PRLR: variants seen among roughly 807,000 people sequenced by gnomAD.
The protein encoded by PRLR is prolactin receptor, also known as hPRL receptor.
PRLR carries 13 observed loss-of-function variants against 40.2 expected under a neutral mutation model. That is an observed-to-expected ratio of 0.32 (90% CI 0.21 to 0.51). PRLR has a LOEUF of 0.51. Among genes scored for constraint, PRLR ranks in the 20% least tolerant of loss-of-function variants. The probability of loss-of-function intolerance (pLI) is 0.97; values close to 1 mark genes in which losing one functional copy is unlikely to be tolerated. For missense variants in PRLR, 656 were observed against 747.3 expected (o/e 0.88, Z 1.42); for synonymous variants, 269 against 278.7 (o/e 0.97, Z 0.35).
chr5:35,121,270 G>A (rs1022130004), intron 1 of PRLR, among the ~76,000 whole-genome samples: 1 of 152,170 alleles, frequency 6.6e-6, no homozygotes, highest in Non-Finnish European at 1.5e-5. Flanking sequence ...AGAGTAAGTT[G>A]GATGATGTGG....
At chr5:35,139,901 TA>T (rs1336428158) in intron 1 of PRLR, among the ~76,000 whole-genome samples, 4 of 149,830 alleles carry the variant, frequency 2.7e-5, no homozygotes, top group African/African-American at 9.8e-5. Flanking sequence ...TTAGAGCAAA[TA>T]AAAAATATAG....
chr5:35,147,652 G>A (rs1774218399), intron 1 of PRLR, among the ~76,000 whole-genome samples: 1 of 152,116 alleles, frequency 6.6e-6, no homozygotes, highest in Admixed American at 6.5e-5. Flanking sequence ...TAAAACAAGA[G>A]AGGCAAACTT....
intron 2 of PRLR, among the ~76,000 whole-genome samples, chr5:35,103,354 G>C (rs78271841): frequency 0.028 from 4,287 of 152,234 alleles, 100 homozygotes; most frequent in Middle Eastern, 0.1. Flanking sequence ...ATCAGCAAAG[G>C]GTACAGCTAA....
intron 1 of PRLR, among the ~76,000 whole-genome samples, chr5:35,156,432 C>T (rs1234882115): frequency 6.6e-6 from 1 of 152,178 alleles, no homozygotes; most frequent in African/African-American, 2.4e-5. Context: ...AAATCATACA[C>T]TTTTCTGCTC....
At chr5:35,176,176 G>C (rs989970213) in intron 1 of PRLR, among the ~76,000 whole-genome samples, 3 of 151,884 alleles carry the variant, frequency 2.0e-5, no homozygotes, top group African/African-American at 7.3e-5. Flanking sequence ...AATTTTCTGT[G>C]ACTCATTCAT....
At chr5:35,212,798 G>C (rs2111646754) in intron 1 of PRLR, among the ~76,000 whole-genome samples, 1 of 152,262 alleles carries the variant, frequency 6.6e-6, no homozygotes, top group South Asian at 2.1e-4. Flanking sequence ...AGCAGTTCAG[G>C]GTCAAGATCT....
intron 1 of PRLR, among the ~76,000 whole-genome samples, chr5:35,140,171 G>C (rs1579722705): frequency 6.6e-6 from 1 of 152,200 alleles, no homozygotes; most frequent in East Asian, 1.9e-4. Context: ...TTATAGGCTG[G>C]AAGAACCAGA....
In PRLR at chr5:35,070,143, G is replaced by A; in HGVS notation, c.666C>T (p.Thr222=). ...HGYWSAWSPA[T]FIQIPSDFTM... ...GCTCACCACTAGGTATCTGAATGAA[G>A]GTCGCTGGACTCCATGCACTCCAGT... The change falls in exon 7 of 10, where the codon ACC becomes ACT. Residue 222 remains threonine (T), a synonymous_variant. Transcript: ENST00000618457. 6.8e-6 allele frequency: 11 copies of A among 1,611,288 alleles called. No individual in the cohort carries two copies. The highest frequency in any genetic ancestry group is 9.3e-6 in the Non-Finnish European group (11 of 1,179,434).
intron 1 of PRLR, among the ~76,000 whole-genome samples, chr5:35,140,969 T>C (rs1774006253): frequency 6.6e-6 from 1 of 152,174 alleles, no homozygotes; most frequent in African/African-American, 2.4e-5. Context: ...GCCTATGACA[T>C]AGTTCTGGCC....
chr5:35,072,323 T>C (rs995041051), intron 6 of PRLR, among the ~76,000 whole-genome samples: 1 of 152,132 alleles, frequency 6.6e-6, no homozygotes, highest in South Asian at 2.1e-4. Flanking sequence ...TAAAATGTAC[T>C]AAGGGAGGCA....
chr5:35,225,337 CATGAGGGTGGGGGAGA>C (rs1776521542), intron 1 of PRLR, among the ~76,000 whole-genome samples: 2 of 152,148 alleles, frequency 1.3e-5, no homozygotes, highest in African/African-American at 4.8e-5. Flanking sequence ...TAACCAGCAG[CATGAGGGTGGGGGAGA>C]AGGAAGAGGG....
intron 5 of PRLR, chr5:35,082,098 G>A (rs1770563455): frequency 6.6e-6 from 1 of 152,332 alleles, no homozygotes; most frequent in African/African-American, 2.4e-5. Flanking sequence ...CCACCTCAGT[G>A]AGAATCTCCC....
chr5:35,205,028 A>T (rs988856906), intron 1 of PRLR, among the ~76,000 whole-genome samples: 8 of 151,824 alleles, frequency 5.3e-5, no homozygotes, highest in African/African-American at 1.5e-4. Context: ...AAAGGCTGCC[A>T]GAGAGTTCAT....
At chr5:35,112,249 C>A (rs900353341) in intron 2 of PRLR, among the ~76,000 whole-genome samples, 2 of 152,132 alleles carry the variant, frequency 1.3e-5, no homozygotes, top group Admixed American at 1.3e-4. Flanking sequence ...ATTTGAAATA[C>A]CTAAGGCTGG....
chr5:35,161,715 A>G (rs967321731), intron 1 of PRLR, among the ~76,000 whole-genome samples: 1 of 152,200 alleles, frequency 6.6e-6, no homozygotes, highest in Non-Finnish European at 1.5e-5. Context: ...TTGTTTTCTC[A>G]GAGGGTAGTG....
At chr5:35,103,104 A>G (rs971507050) in intron 2 of PRLR, among the ~76,000 whole-genome samples, 7 of 152,200 alleles carry the variant, frequency 4.6e-5, no homozygotes, top group Non-Finnish European at 1.0e-4. Context: ...AGATTTTGTT[A>G]TATCTATTTT....
Position 35,212,913 on chromosome 5 carries a change from AAC to A in PRLR, c.-106+17353_-106+17354del, listed in dbSNP as rs1163849411. Among the ~76,000 whole-genome samples, 3 of 152,214 alleles carry A rather than the reference AAC, an allele frequency of 2.0e-5. No homozygotes were observed. In the East Asian group the frequency reaches 5.8e-4, roughly 29 times the overall value. The stretch of plus-strand genomic sequence containing the variant: ...AAGCATTTCATTTTCAACTGTCATT[AAC>A]AGTGATCAGCGTCATTCCCCTACTC... On this transcript the variant is annotated intron_variant, in intron 1 of 9. Coordinates refer to ENST00000618457, the MANE Select transcript of PRLR (RefSeq NM_000949.7).
chr5:35,137,806 C>A lies in PRLR; in HGVS notation c.-105-19684G>T, dbSNP rs188081153. On this transcript the variant is annotated intron_variant, in intron 1 of 9. Coordinates refer to ENST00000618457, the MANE Select transcript of PRLR (RefSeq NM_000949.7). ...AAATATTAACGTGTTAAAATATTCA[C>A]GAGGCTGAGGCAGGAGAATCGCTTG... is the stretch of plus-strand genomic sequence containing the variant. 5.1e-3 allele frequency among the ~76,000 whole-genome samples: 783 copies of A among 152,160 alleles called. 6 individuals are homozygous for A. The highest frequency in any genetic ancestry group is 0.018 in the African/African-American group (732 of 41,504).
At chr5:35,094,162 G>A (rs1771388054) in intron 2 of PRLR, among the ~76,000 whole-genome samples, 1 of 152,112 alleles carries the variant, frequency 6.6e-6, no homozygotes, top group Non-Finnish European at 1.5e-5. Flanking sequence ...AATCCAACTT[G>A]CAACTCCTCC....
Sources: gnomAD v4.1 joint callset for allele counts (sites outside exome capture counted in the v4.1 genomes callset) on GRCh38, gnomAD v4.1.1 for gene constraint, MANE v1.5 for transcripts, NCBI Gene and HGNC (gene_info 2026-07-23, HGNC 2026-07-21) for gene names.